BIRC3: variants seen among roughly 807,000 people sequenced by gnomAD.
BIRC3 encodes the protein baculoviral IAP repeat-containing protein 3.
In BIRC3, 26 loss-of-function variants were observed where a neutral mutation model predicts 59.0. The observed-to-expected ratio is 0.44, with a 90% CI of 0.32 to 0.61. The LOEUF (loss-of-function observed/expected upper bound fraction) is 0.61, where lower values mean the gene tolerates loss of function less well. Among genes scored for constraint, BIRC3 ranks in the 20% least tolerant of loss-of-function variants. The probability of loss-of-function intolerance (pLI) is 0.04; values close to 1 mark genes in which losing one functional copy is unlikely to be tolerated. For synonymous variants in BIRC3, 243 were observed against 249.2 expected (o/e 0.98, Z 0.24); for missense variants, 641 against 711.5 (o/e 0.90, Z 1.13).
At chr11:102,318,398 A>G (rs2135779827) in intron 1 of BIRC3, among the ~76,000 whole-genome samples, 1 of 152,320 alleles carries the variant, frequency 6.6e-6, no homozygotes, top group African/African-American at 2.4e-5. Flanking sequence ...TGTGGTCATT[A>G]ATATAAAATT....
Position 102,324,813 on chromosome 11 carries a change from G to T in BIRC3, c.304G>T (p.Val102Phe), listed in dbSNP as rs922637067. 4 of 1,614,158 alleles carry T rather than the reference G, an allele frequency of 2.5e-6. No homozygotes were observed. Among genetic ancestry groups the T allele is most frequent in the Admixed American group, 1.7e-5 (1 of 60,016 alleles). ...SCRFVQSLNSVNNLEATSQPT... is the reference protein window; with the variant it reads ...SCRFVQSLNSFNNLEATSQPT... Reference sequence around the variant, plus strand: ...CAGATTCGTTCAGAGTCTAAATTCCGTTAACAACTTGGAAGCTACCTCTCA... The same window carrying T: ...CAGATTCGTTCAGAGTCTAAATTCCTTTAACAACTTGGAAGCTACCTCTCA... Residue 102 changes from valine to phenylalanine, a missense_variant, in exon 2 of 9, where the codon GTT becomes TTT. Physicochemically the swap from Val to Phe is conservative, Grantham distance 50. Around this residue, in one of 4 missense-constraint regions of BIRC3, gnomAD observed 329 missense variants for 365.6 expected, o/e 0.90. Transcript: ENST00000263464.
chr11:102,326,066 G>T (rs1253788024), intron 3 of BIRC3, among the ~76,000 whole-genome samples: 1 of 152,022 alleles, frequency 6.6e-6, no homozygotes, highest in African/African-American at 2.4e-5. Context: ...ATTTGTCTTG[G>T]ATATATTTCC....
rs199818066 is a variant in BIRC3 at position 102,325,470 on chromosome 11, C to T, written c.858C>T (p.Asn286=). Residue 286 remains asparagine (N), a synonymous_variant, in exon 3 of 9, where the codon AAC becomes AAT. Transcript: ENST00000263464. The part of the protein sequence containing the change: ...LASAGFYYVG[N]SDDVKCFCCD... ...TTGGTCTAAAATTAATTTTAGGTAA[C>T]AGTGATGATGTCAAATGCTTTTGCT... 5.2e-5 allele frequency: 84 copies of T among 1,610,394 alleles called. No homozygotes were observed. Among genetic ancestry groups the T allele is most frequent in the Non-Finnish European group, 6.9e-5 (81 of 1,178,350 alleles).
At chr11:102,318,312 T>G (rs1950994740) in intron 1 of BIRC3, among the ~76,000 whole-genome samples, 1 of 152,172 alleles carries the variant, frequency 6.6e-6, no homozygotes, top group African/African-American at 2.4e-5. Flanking sequence ...TGCTTCTGGT[T>G]ACCGGACTGC....
chr11:102,331,117 G>A lies in BIRC3; in HGVS notation c.1200G>A (p.Gln400=), dbSNP rs17878663. 24,741 of 1,613,754 alleles carry A rather than the reference G, an allele frequency of 0.015. 2,100 individuals are homozygous for A. In the East Asian group the frequency reaches 0.26, roughly 17 times the overall value. ...GAAGCCTGGTAAAACAGACAGTTCA[G>A]AGAAAAATCCTAGCAACTGGAGAGA... ...FSRSLVKQTV[Q]RKILATGENY... Residue 400 remains glutamine, a synonymous_variant, in exon 6 of 9, where the codon CAG becomes CAA. Transcript: ENST00000263464.
rs1006165318 is a variant in BIRC3 at position 102,322,089 on chromosome 11, T to C, written c.-2421T>C. 5.0e-6 allele frequency: 1 copy of C among 200,990 alleles called. No homozygotes were observed. Among genetic ancestry groups the C allele is most frequent in the Admixed American group, 6.0e-5 (1 of 16,626 alleles). 12.5% of individuals were successfully genotyped at this position (200,990 alleles called of 1,614,324 possible). A position where few individuals can be genotyped will look rare whatever the true frequency, so the allele number is the denominator to read the frequency against. On this transcript the variant is annotated 5_prime_UTR_variant, in exon 2 of 9. An upstream open reading frame in the 5' UTR loses its in-frame stop. Transcript: ENST00000263464. ...TGATTTTGAATTTGATTTGTGGAAA[T>C]AAAGGAAAAGTGATTCTAGCTGGGG...
Position 102,322,506 on chromosome 11 carries a change from G to A in BIRC3, c.-2004G>A. On this transcript the variant is annotated 5_prime_UTR_variant, in exon 2 of 9. An upstream start codon of the reference 5' UTR is lost. Transcript: ENST00000263464. ...TGAGAATGATGAGGATGAGAATGAT[G>A]GTTGAAGGTTACATTTTAGGAAATG... is the stretch of plus-strand genomic sequence containing the variant. The A allele has an allele frequency of 4.9e-6, 1 of 205,960 alleles. No homozygotes were observed. Among genetic ancestry groups the A allele is most frequent in the Non-Finnish European group, 9.9e-6 (1 of 100,876 alleles). 12.8% of individuals were successfully genotyped at this position (205,960 alleles called of 1,614,324 possible).
chr11:102,325,482 C>A lies in BIRC3; in HGVS notation c.870C>A (p.Val290=). ...GFYYVGNSDD[V]KCFCCDGGLR... is the part of the protein sequence containing the mutation. ...TAATTTTAGGTAACAGTGATGATGT[C>A]AAATGCTTTTGCTGTGATGGTGGAC... Residue 290 remains valine (V), a synonymous_variant, in exon 3 of 9, where the codon GTC becomes GTA. Transcript: ENST00000263464. 4 of 1,612,326 alleles carry A rather than the reference C, an allele frequency of 2.5e-6. No individual in the cohort carries two copies. The highest frequency in any genetic ancestry group is 3.4e-6 in the Non-Finnish European group (4 of 1,179,066).
chr11:102,339,008 T>A lies in BIRC3; in HGVS notation c.*1906T>A, dbSNP rs1951228561. 2.9e-5 allele frequency: 6 copies of A among 209,936 alleles called. No homozygotes were observed. The Admixed American group carries it at 3.6e-4, about 13-fold the overall frequency. The allele number at this position is 209,936 out of a possible 1,614,324, so 13.0% of individuals were successfully genotyped here. A position where few individuals can be genotyped will look rare whatever the true frequency, so the allele number is the denominator to read the frequency against. ...GGGACCAAGTGAGGGGAGGAAAGAA[T>A]CCATCTCTGCATTCTGATGCTGGGA... On this transcript the variant is annotated 3_prime_UTR_variant, in exon 9 of 9. Coordinates refer to ENST00000263464, the MANE Select transcript of BIRC3 (RefSeq NM_001165.5).
chr11:102,324,349 G>C lies in BIRC3; in HGVS notation c.-161G>C. 1.4e-6 allele frequency: 1 copy of C among 725,540 alleles called. No homozygotes were observed. Among genetic ancestry groups the C allele is most frequent in the Non-Finnish European group, 2.1e-6 (1 of 469,720 alleles). 44.9% of individuals were successfully genotyped at this position (725,540 alleles called of 1,614,324 possible). A position where few individuals can be genotyped will look rare whatever the true frequency, so the allele number is the denominator to read the frequency against. On this transcript the variant is annotated 5_prime_UTR_variant, in exon 2 of 9. An upstream open reading frame in the 5' UTR loses its in-frame stop. Coordinates refer to ENST00000263464, the MANE Select transcript of BIRC3 (RefSeq NM_001165.5). ...TTAAAATGTATCAGTATAGGATTTA[G>C]AATCTCCATGTTGAAACTCTAAATG...
chr11:102,337,009 T>C lies in BIRC3; in HGVS notation c.1722T>C (p.His574=), dbSNP rs1434209419. 18 of 1,604,696 alleles carry C rather than the reference T, an allele frequency of 1.1e-5. No homozygotes were observed. The highest frequency in any genetic ancestry group is 1.5e-5 in the Non-Finnish European group (18 of 1,178,046). ...EVSIVFIPCG[H]LVVCKDCAPS... Reference sequence around the variant, plus strand: ...CCATAGTGTTTATTCCTTGTGGTCATCTAGTAGTATGCAAAGATTGTGCTC... The same window carrying C: ...CCATAGTGTTTATTCCTTGTGGTCACCTAGTAGTATGCAAAGATTGTGCTC... Residue 574 remains histidine, a synonymous_variant, in exon 9 of 9, where the codon CAT becomes CAC. Coordinates refer to ENST00000263464, the MANE Select transcript of BIRC3 (RefSeq NM_001165.5).
intron 3 of BIRC3, among the ~76,000 whole-genome samples, chr11:102,327,052 A>G (rs1951090450): frequency 6.6e-6 from 1 of 152,284 alleles, no homozygotes; most frequent in Non-Finnish European, 1.5e-5. Flanking sequence ...TGACCTCAGT[A>G]GACTGAGGGG....
rs1289289172 is a variant in BIRC3 at position 102,339,050 on chromosome 11, A to G, written c.*1948A>G. On this transcript the variant is annotated 3_prime_UTR_variant, in exon 9 of 9. Coordinates refer to ENST00000263464, the MANE Select transcript of BIRC3 (RefSeq NM_001165.5). ...ATGCTGGGAGACTTATTTCCTTGAA[A>G]TGCAATTGATTTTGCCTCTGCTAAG... 3 of 211,210 alleles carry G rather than the reference A, an allele frequency of 1.4e-5. No individual in the cohort carries two copies. The highest frequency in any genetic ancestry group is 1.2e-4 in the Admixed American group (2 of 16,944). The allele number at this position is 211,210 out of a possible 1,614,324, so 13.1% of individuals were successfully genotyped here.
rs1951065498 is a variant in BIRC3 at position 102,324,854 on chromosome 11, T to C, written c.345T>C (p.Ser115=). 1 of 1,614,216 alleles carries C rather than the reference T, an allele frequency of 6.2e-7. No individual in the cohort carries two copies. Among genetic ancestry groups the C allele is most frequent in the South Asian group, 1.1e-5 (1 of 91,080 alleles). ...CTACCTCTCAGCCTACTTTTCCTTC[T>C]TCAGTAACAAATTCCACACACTCAT... ...LEATSQPTFP[S]SVTNSTHSLL... is the part of the protein sequence containing the mutation. The change falls in exon 2 of 9, where the codon TCT becomes TCC. Residue 115 remains serine (S), a synonymous_variant. Transcript: ENST00000263464.
intron 6 of BIRC3, among the ~76,000 whole-genome samples, chr11:102,331,580 G>A (rs964067684): frequency 2.6e-5 from 4 of 151,666 alleles, no homozygotes; most frequent in African/African-American, 9.7e-5. Context: ...GTTGCATCAT[G>A]GCACATTTTT....
intron 6 of BIRC3, among the ~76,000 whole-genome samples, chr11:102,332,984 C>A (rs1341911452): frequency 6.6e-6 from 1 of 152,126 alleles, no homozygotes; most frequent in Non-Finnish European, 1.5e-5. Context: ...CTAAAACTAT[C>A]CACTTATAAA....
rs1325194761 is a variant in BIRC3, at chr11:102,325,474, G to A, written c.862G>A (p.Asp288Asn). 1.9e-6 allele frequency: 3 copies of A among 1,611,912 alleles called. No individual in the cohort carries two copies. Among genetic ancestry groups the A allele is most frequent in the Admixed American group, 1.7e-5 (1 of 59,960 alleles). The change falls in exon 3 of 9, where the codon GAT becomes AAT. Residue 288 changes from aspartate to asparagine, a missense_variant. Around this residue, in one of 4 missense-constraint regions of BIRC3, gnomAD observed 329 missense variants for 365.6 expected, o/e 0.90. Coordinates refer to ENST00000263464, the MANE Select transcript of BIRC3 (RefSeq NM_001165.5). The stretch of plus-strand genomic sequence containing the variant: ...TCTAAAATTAATTTTAGGTAACAGT[G>A]ATGATGTCAAATGCTTTTGCTGTGA... ...SAGFYYVGNS[D>N]DVKCFCCDGG... is the part of the protein sequence containing the mutation.
At position 102,324,860 on chromosome 11, in the gene BIRC3, A is replaced by G. The variant is rs763943534; in HGVS notation, c.351A>G (p.Val117=). 4.3e-6 allele frequency: 7 copies of G among 1,614,112 alleles called. No homozygotes were observed. In the East Asian group the frequency reaches 8.9e-5, roughly 21 times the overall value. Residue 117 remains valine, a synonymous_variant, in exon 2 of 9, where the codon GTA becomes GTG. Transcript: ENST00000263464. ...ATSQPTFPSS[V]TNSTHSLLPG... ...CTCAGCCTACTTTTCCTTCTTCAGT[A>G]ACAAATTCCACACACTCATTACTTC... is the stretch of plus-strand genomic sequence containing the variant.
chr11:102,327,855 C>T (rs570458848), intron 3 of BIRC3, among the ~76,000 whole-genome samples, 197 bp from the exon 4 acceptor site: 2 of 152,002 alleles, frequency 1.3e-5, no homozygotes, highest in East Asian at 3.9e-4. Context: ...ACAATAGAAT[C>T]AGTTCCCAGT....
Sources: gnomAD v4.1 joint callset for allele counts (sites outside exome capture counted in the v4.1 genomes callset) on GRCh38, gnomAD v4.1.1 for gene constraint, gnomAD v4.1.1 regional missense constraint, MANE v1.5 for transcripts, NCBI Gene and HGNC (gene_info 2026-07-23, HGNC 2026-07-21) for gene names.